DSG1: variants seen among roughly 807,000 people sequenced by gnomAD.
DSG1 encodes desmoglein 1.
Under a neutral mutation model 97.5 loss-of-function variants are expected in DSG1, and 39 were observed. The ratio of observed to expected loss-of-function variants is 0.40; its 90% CI spans 0.31 to 0.52. The LOEUF is 0.52. Ranked by LOEUF, DSG1 falls within the 20% of genes least tolerant of loss-of-function variation. DSG1 has a pLI of 0.53. For synonymous variants in DSG1, 475 were observed against 443.4 expected, an observed-to-expected ratio of 1.07 and a Z score of -0.90; for missense variants, 1,311 against 1,295.4, an observed-to-expected ratio of 1.01 and a Z score of -0.18.
chr18:31,335,337 G>T (rs2071745116), intron 8 of DSG1, among the ~76,000 whole-genome samples: 1 of 152,126 alleles, frequency 6.6e-6, no homozygotes, highest in African/African-American at 2.4e-5. Flanking sequence ...TTCTTTCCAT[G>T]ATACTATTTA....
rs1278458781 is a variant in DSG1, at chr18:31,343,594, C to T, written c.1821+11C>T. The T allele has an allele frequency of 3.7e-6, 6 of 1,614,072 alleles. No individual in the cohort carries two copies. The highest frequency in any genetic ancestry group is 4.2e-6 in the Non-Finnish European group (5 of 1,180,018). On this transcript the variant is annotated intron_variant, in intron 12 of 14. Coordinates refer to ENST00000257192, the MANE Select transcript of DSG1 (RefSeq NM_001942.4). Reference sequence around the variant, plus strand: ...CAGCCTGAACCCAGGGTAAGTGCCACATTCTAAGAAATAGCCGTTGGTAGT... The same window carrying T: ...CAGCCTGAACCCAGGGTAAGTGCCATATTCTAAGAAATAGCCGTTGGTAGT...
rs1374031832 is a variant in DSG1, at chr18:31,333,941, A to G, written c.820-76A>G. The G allele has an allele frequency of 7.5e-6, 9 of 1,198,010 alleles. No individual in the cohort carries two copies. The South Asian group carries it at 1.0e-4, about 13-fold the overall frequency. The allele number at this position is 1,198,010 out of a possible 1,614,324, so 74.2% of individuals were successfully genotyped here. A position where few individuals can be genotyped will look rare whatever the true frequency, so the allele number is the denominator to read the frequency against. ...TCTTTTCTAAATAATGAAGTTATCA[A>G]CATTCCAGTATAAGCCTACTGTAGT... On this transcript the variant is annotated intron_variant, in intron 7 of 14. Coordinates refer to ENST00000257192, the MANE Select transcript of DSG1 (RefSeq NM_001942.4).
intron 11 of DSG1, among the ~76,000 whole-genome samples, chr18:31,342,955 A>G (rs1162568994): frequency 6.8e-6 from 1 of 146,970 alleles, no homozygotes; most frequent in Non-Finnish European, 1.5e-5. Context: ...GCTGGAGTGC[A>G]GTGGCACAAC....
Position 31,326,623 on chromosome 18 carries a change from T to G in DSG1, c.84+7T>G. ...CAGTGAATTCCGAATCCAGGTAATATATAACAAATCCATTTTTCCAAATTT... is the reference window on the plus strand; with the variant it reads ...CAGTGAATTCCGAATCCAGGTAATAGATAACAAATCCATTTTTCCAAATTT... On this transcript the variant is annotated splice_region_variant and intron_variant, in intron 2 of 14. Coordinates refer to ENST00000257192, the MANE Select transcript of DSG1 (RefSeq NM_001942.4). 1.2e-6 allele frequency: 2 copies of G among 1,600,530 alleles called. No homozygotes were observed. Among genetic ancestry groups the G allele is most frequent in the Non-Finnish European group, 1.7e-6 (2 of 1,168,500 alleles).
At chr18:31,332,494 G>A (rs996276331) in intron 6 of DSG1, among the ~76,000 whole-genome samples, 2 of 152,064 alleles carry the variant, frequency 1.3e-5, no homozygotes, top group African/African-American at 4.8e-5. Context: ...TGTTAACAGA[G>A]TAAAATCAGC....
intron 11 of DSG1, among the ~76,000 whole-genome samples, chr18:31,340,639 T>C (rs1568044517): frequency 6.6e-6 from 1 of 150,512 alleles, no homozygotes; most frequent in Non-Finnish European, 1.5e-5. Flanking sequence ...ATTAGCCTGA[T>C]GGACAAGAGA....
rs1404028962 is a variant in DSG1 at position 31,331,799 on chromosome 18, T to A, written c.616T>A (p.Ser206Thr). The A allele has an allele frequency of 6.2e-7, 1 of 1,612,706 alleles. No individual in the cohort carries two copies. The highest frequency in any genetic ancestry group is 1.3e-5 in the African/African-American group (1 of 74,854). Residue 206 changes from serine (S) to threonine (T), a missense_variant, in exon 6 of 15, where the codon TCA becomes ACA. Ser to Thr is a moderately conservative substitution (Grantham distance 58). Around this residue, in one of 3 missense-constraint regions of DSG1, gnomAD observed 259 missense variants for 304.1 expected, o/e 0.85. Coordinates refer to ENST00000257192, the MANE Select transcript of DSG1 (RefSeq NM_001942.4). ...FKIIRQEPSDSPMFIINRNTG... is the reference protein window; with the variant it reads ...FKIIRQEPSDTPMFIINRNTG... ...GATTATAAGACAAGAACCTTCAGATTCACCAATGTTTATTATCAACAGAAA... is the reference window on the plus strand; with the variant it reads ...GATTATAAGACAAGAACCTTCAGATACACCAATGTTTATTATCAACAGAAA...
rs370417509 is a variant in DSG1 at position 31,340,979 on chromosome 18, G to A, written c.1687+954G>A. The stretch of plus-strand genomic sequence containing the variant: ...ATGAAATAATACTTACCTTAAAACA[G>A]TGCTTTGATGATGAAAAAGAAGTAC... On this transcript the variant is annotated intron_variant, in intron 11 of 14. Coordinates refer to ENST00000257192, the MANE Select transcript of DSG1 (RefSeq NM_001942.4). Among the ~76,000 whole-genome samples, 81 of 152,272 alleles carry A rather than the reference G, an allele frequency of 5.3e-4. 1 individual carries two copies. Among genetic ancestry groups the A allele is most frequent in the African/African-American group, 1.8e-3 (76 of 41,548 alleles).
rs1472058917 is a variant in DSG1, at chr18:31,354,800, G to C, written c.2604G>C (p.Val868=). The C allele has an allele frequency of 1.2e-6, 2 of 1,614,144 alleles. No homozygotes were observed. The highest frequency in any genetic ancestry group is 8.5e-7 in the Non-Finnish European group (1 of 1,180,006). ...PASNVVVTER[V]VGPISGADLH... Reference sequence around the variant, plus strand: ...CAAACGTGGTAGTGACAGAGAGAGTGGTCGGCCCAATCTCTGGCGCTGATT... The same window carrying C: ...CAAACGTGGTAGTGACAGAGAGAGTCGTCGGCCCAATCTCTGGCGCTGATT... The change falls in exon 15 of 15, where the codon GTG becomes GTC. Residue 868 remains valine (V), a synonymous_variant. Transcript: ENST00000257192.
At chr18:31,323,193 G>C (rs1360260370) in intron 1 of DSG1, among the ~76,000 whole-genome samples, 1 of 152,148 alleles carries the variant, frequency 6.6e-6, no homozygotes, top group Non-Finnish European at 1.5e-5. Context: ...GATAACCTCT[G>C]TGTTCATCTC....
chr18:31,336,392 T>C lies in DSG1; in HGVS notation c.1044T>C (p.Ser348=). 2 of 1,613,740 alleles carry C rather than the reference T, an allele frequency of 1.2e-6. No individual in the cohort carries two copies. The highest frequency in any genetic ancestry group is 2.2e-5 in the South Asian group (2 of 91,062). ...DYEAMQSLQL[S]IGVRNKAEFH... is the part of the protein sequence containing the mutation. The stretch of plus-strand genomic sequence containing the variant: ...AAGCTATGCAGAGTCTGCAACTCAG[T>C]ATTGGTGTCAGAAATAAAGCTGAAT... The change falls in exon 9 of 15, where the codon AGT becomes AGC. Residue 348 remains serine (S), a synonymous_variant. Transcript: ENST00000257192.
At position 31,356,762 on chromosome 18, in the gene DSG1, A is replaced by G. The variant is rs1268461780; in HGVS notation, c.*1416A>G. The stretch of plus-strand genomic sequence containing the variant: ...TCTTGGCTTATATATGCTGATTTAT[A>G]GGTAGTGTCCAAATTATATAGTATA... On this transcript the variant is annotated 3_prime_UTR_variant, in exon 15 of 15. Transcript: ENST00000257192. 2 of 152,166 alleles carry G rather than the reference A, an allele frequency of 1.3e-5. No homozygotes were observed. Among genetic ancestry groups the G allele is most frequent in the Non-Finnish European group, 2.9e-5 (2 of 68,020 alleles). The allele number at this position is 152,166 out of a possible 1,614,324, so 9.4% of individuals were successfully genotyped here. A position where few individuals can be genotyped will look rare whatever the true frequency, so the allele number is the denominator to read the frequency against.
intron 1 of DSG1, 85 bp from the exon 2 acceptor site, chr18:31,326,496 A>ACAT: frequency 9.3e-7 from 1 of 1,070,892 alleles, no homozygotes; most frequent in Non-Finnish European, 1.4e-6. Context: ...CTATGGTTTC[A>ACAT]TGTTGTTTTT....
chr18:31,353,436 C>T (rs1301557474), intron 14 of DSG1, among the ~76,000 whole-genome samples: 3 of 151,598 alleles, frequency 2.0e-5, no homozygotes, highest in Non-Finnish European at 4.4e-5. Flanking sequence ...TGTCTGTGCC[C>T]TGCCCCCAGA....
intron 1 of DSG1, among the ~76,000 whole-genome samples, chr18:31,321,898 C>T (rs147412067): frequency 0.018 from 2,784 of 152,290 alleles, 97 homozygotes; most frequent in African/African-American, 0.064. Flanking sequence ...AACATATCAG[C>T]AGGAAGCCTG....
intron 10 of DSG1, among the ~76,000 whole-genome samples, chr18:31,338,931 G>T (rs956631937): frequency 1.3e-5 from 2 of 152,030 alleles, no homozygotes; most frequent in Non-Finnish European, 2.9e-5. Context: ...GTGTATAATT[G>T]AGTCCTAACT....
intron 14 of DSG1, among the ~76,000 whole-genome samples, chr18:31,346,624 C>T (rs953526422): frequency 1.3e-5 from 2 of 152,152 alleles, no homozygotes; most frequent in African/African-American, 2.4e-5. Context: ...CTCTCACAAA[C>T]TCCTACCCAT....
At chr18:31,322,104 A>G (rs561263457) in intron 1 of DSG1, among the ~76,000 whole-genome samples, 1 of 152,372 alleles carries the variant, frequency 6.6e-6, no homozygotes, top group African/African-American at 2.4e-5. Context: ...AATAGGCCAC[A>G]GTTTTTCATA....
rs964915 is a variant in DSG1 at position 31,357,511 on chromosome 18, T to G, written c.*2165T>G. On this transcript the variant is annotated 3_prime_UTR_variant, in exon 15 of 15. Coordinates refer to ENST00000257192, the MANE Select transcript of DSG1 (RefSeq NM_001942.4). ...AGGAAACTTGCTTACTGTTTTGATA[T>G]GAAATATCATCACAAGCTTTTCTTA... Among the ~76,000 whole-genome samples, 113,686 of 151,830 alleles carry G rather than the reference T, an allele frequency of 0.75. 42,802 individuals carry two copies. The highest frequency in any genetic ancestry group is 0.93 in the East Asian group (4,824 of 5,178).
Sources: gnomAD v4.1 joint callset for allele counts (sites outside exome capture counted in the v4.1 genomes callset) on GRCh38, gnomAD v4.1.1 for gene constraint, gnomAD v4.1.1 regional missense constraint, MANE v1.5 for transcripts, NCBI Gene and HGNC (gene_info 2026-07-23, HGNC 2026-07-21) for gene names.